Variants in TEX36 observed in about 807,000 individuals in gnomAD.
TEX36 encodes the protein testis-expressed protein 36.
A neutral mutation model predicts 13.6 loss-of-function variants in TEX36; 12 were observed. That is an observed-to-expected ratio of 0.88 (90% confidence interval 0.56 to 1.43). TEX36 has a LOEUF of 1.43. Among genes scored for constraint, TEX36 ranks in the 40% most tolerant of loss-of-function variants. TEX36 has a pLI of 0.00. For missense variants in TEX36, 224 were observed against 228.3 expected, an observed-to-expected ratio of 0.98 and a Z score of 0.12; for synonymous variants, 93 against 83.0, an observed-to-expected ratio of 1.12 and a Z score of -0.65.
intron 3 of TEX36, among the ~76,000 whole-genome samples, chr10:125,627,458 G>A (rs923477695): frequency 6.6e-6 from 1 of 152,088 alleles, no homozygotes; most frequent in South Asian, 2.1e-4. Context: ...TTTAAGTCAT[G>A]CTTAAAGTCA....
chr10:125,612,193 A>C, intron 3 of TEX36, among the ~76,000 whole-genome samples: 1 of 146,954 alleles, frequency 6.8e-6, no homozygotes, highest in African/African-American at 2.5e-5. Flanking sequence ...AAGCAATCCC[A>C]CTGCCTCAGC....
chr10:125,666,559 C>T (rs909115670), intron 1 of TEX36, among the ~76,000 whole-genome samples: 9 of 152,150 alleles, frequency 5.9e-5, no homozygotes, highest in African/African-American at 1.9e-4. Context: ...CACTTGATCA[C>T]GGTATATTGT....
chr10:125,608,855 C>T (rs988788415), intron 3 of TEX36, among the ~76,000 whole-genome samples: 2 of 151,634 alleles, frequency 1.3e-5, no homozygotes, highest in African/African-American at 2.4e-5. Context: ...AAAAGGGAGG[C>T]CGGGCGCGGT....
At chr10:125,679,846 G>C (rs1023135572) in intron 1 of TEX36, among the ~76,000 whole-genome samples, 1 of 152,146 alleles carries the variant, frequency 6.6e-6, no homozygotes, top group Non-Finnish European at 1.5e-5. Context: ...CCCCTCCTCT[G>C]CCTTATTATT....
intron 1 of TEX36, among the ~76,000 whole-genome samples, chr10:125,675,403 C>T (rs192722291): frequency 6.6e-6 from 1 of 150,706 alleles, no homozygotes; most frequent in East Asian, 2.0e-4. Flanking sequence ...TCTTAGGCAG[C>T]AGGCACCCAC....
At chr10:125,644,564 C>A (rs986885457) in intron 3 of TEX36, among the ~76,000 whole-genome samples, 1 of 152,178 alleles carries the variant, frequency 6.6e-6, no homozygotes, top group African/African-American at 2.4e-5. Flanking sequence ...CACATACACG[C>A]ACACGTAAAA....
chr10:125,674,052 C>T lies in TEX36; in HGVS notation c.51+8887G>A, dbSNP rs1352688182. ...CTGTTCTCTCTGTCTCTTTCAGTTACCCCAATCAGTCATAGGTTTGGTCTT... is the reference window on the plus strand; with the variant it reads ...CTGTTCTCTCTGTCTCTTTCAGTTATCCCAATCAGTCATAGGTTTGGTCTT... On this transcript the variant is annotated intron_variant, in intron 1 of 3. Coordinates refer to ENST00000368821, the MANE Select transcript of TEX36 (RefSeq NM_001128202.3). 2.6e-5 allele frequency among the ~76,000 whole-genome samples: 4 copies of T among 152,146 alleles called. No homozygotes were observed. In the East Asian group the frequency reaches 5.8e-4, roughly 22 times the overall value.
intron 3 of TEX36, among the ~76,000 whole-genome samples, chr10:125,626,396 C>T (rs977435527): frequency 5.3e-5 from 8 of 152,204 alleles, no homozygotes; most frequent in Admixed American, 2.0e-4. Flanking sequence ...TAGTCATTAA[C>T]GCTCATGTGC....
At chr10:125,674,993 G>A (rs1188208067) in intron 1 of TEX36, among the ~76,000 whole-genome samples, 1 of 152,252 alleles carries the variant, frequency 6.6e-6, no homozygotes, top group Non-Finnish European at 1.5e-5. Context: ...AGATTGCCCA[G>A]GTTCCTTAGA....
chr10:125,593,919 A>T (rs1846051173), intron 3 of TEX36, among the ~76,000 whole-genome samples: 1 of 152,216 alleles, frequency 6.6e-6, no homozygotes, highest in Admixed American at 6.5e-5. Flanking sequence ...TGTTATGCAA[A>T]TTTCACCTGA....
chr10:125,641,151 G>A (rs540484764), intron 3 of TEX36, among the ~76,000 whole-genome samples: 5 of 152,334 alleles, frequency 3.3e-5, no homozygotes, highest in Non-Finnish European at 5.9e-5. Flanking sequence ...TAGAAAGGCT[G>A]TAGAATTAGC....
exon 4 of TEX36, chr10:125,576,844 C>T: frequency 1.3e-6 from 2 of 1,536,078 alleles, no homozygotes; most frequent in African/African-American, 1.4e-5. Flanking sequence ...TTGTCTGGTT[C>T]TCCCTGTGGG....
chr10:125,592,422 G>C (rs1408655082), intron 3 of TEX36, among the ~76,000 whole-genome samples: 1 of 152,034 alleles, frequency 6.6e-6, no homozygotes, highest in Non-Finnish European at 1.5e-5. Flanking sequence ...TGCTTGTATA[G>C]AATGTAGCTA....
intron 3 of TEX36, among the ~76,000 whole-genome samples, chr10:125,583,890 G>A (rs1845912888): frequency 6.6e-6 from 1 of 152,096 alleles, no homozygotes; most frequent in Non-Finnish European, 1.5e-5. Context: ...TTCATCCTGT[G>A]ACTTTACCGC....
chr10:125,668,240 G>A (rs1336612965), intron 1 of TEX36, among the ~76,000 whole-genome samples: 2 of 151,992 alleles, frequency 1.3e-5, no homozygotes, highest in Non-Finnish European at 2.9e-5. Context: ...CAAGACAATT[G>A]GTATTTGGGT....
At chr10:125,631,989 A>G (rs1846562939) in intron 3 of TEX36, among the ~76,000 whole-genome samples, 1 of 151,888 alleles carries the variant, frequency 6.6e-6, no homozygotes. Flanking sequence ...GAGGAGCAAG[A>G]GGATAGGACA....
intron 1 of TEX36, among the ~76,000 whole-genome samples, chr10:125,664,563 A>G (rs1292843370): frequency 6.6e-6 from 1 of 152,084 alleles, no homozygotes; most frequent in African/African-American, 2.4e-5. Context: ...TGCTGTTTTC[A>G]TGATAGTGAG....
chr10:125,671,022 T>C (rs1336365091), intron 1 of TEX36, among the ~76,000 whole-genome samples: 5 of 151,920 alleles, frequency 3.3e-5, no homozygotes, highest in Admixed American at 3.3e-4. Flanking sequence ...GCATGATGCC[T>C]CCAGTTTTTT....
chr10:125,598,278 T>C (rs866617189), intron 3 of TEX36, among the ~76,000 whole-genome samples: 5 of 152,316 alleles, frequency 3.3e-5, no homozygotes, highest in Middle Eastern at 6.8e-3. Context: ...TGCCCAGCTG[T>C]TATGTGTAAG....
Sources: allele counts gnomAD v4.1 joint callset (sites outside exome capture counted in the v4.1 genomes callset), GRCh38; gene constraint gnomAD v4.1.1; transcripts MANE v1.5; gene names NCBI Gene and HGNC (gene_info 2026-07-23, HGNC 2026-07-21).